Variants in DLG2 observed in about 807,000 individuals in gnomAD.
DLG2 encodes discs large MAGUK scaffold protein 2.
DLG2 carries 45 observed loss-of-function variants against 132.5 expected under a neutral mutation model. That is an observed-to-expected ratio of 0.34 (90% CI 0.27 to 0.44). The LOEUF is 0.44. Among genes scored for constraint, DLG2 ranks in the 20% least tolerant of loss-of-function variants. DLG2 has a pLI of 1.00. For missense variants in DLG2, 1,045 were observed against 1,196.9 expected (o/e 0.87, Z 1.87); for synonymous variants, 424 against 419.6 (o/e 1.01, Z -0.13).
At chr11:83,680,780 T>C (rs1344843836) in intron 18 of DLG2, among the ~76,000 whole-genome samples, 1 of 152,166 alleles carries the variant, frequency 6.6e-6, no homozygotes, top group Non-Finnish European at 1.5e-5. Context: ...AATCAGAAAG[T>C]ATACTAAGAA....
intron 6 of DLG2, among the ~76,000 whole-genome samples, chr11:84,940,833 T>C (rs1232866519): frequency 6.6e-6 from 1 of 152,220 alleles, no homozygotes; most frequent in East Asian, 1.9e-4. Flanking sequence ...TTCCTCAATG[T>C]TTTCTTTCAG....
At chr11:84,899,546 G>A (rs1270714358) in intron 6 of DLG2, among the ~76,000 whole-genome samples, 1 of 151,790 alleles carries the variant, frequency 6.6e-6, no homozygotes, top group Non-Finnish European at 1.5e-5. Flanking sequence ...TCTTCTTCCC[G>A]CCACCTCTGC....
chr11:85,523,019 T>C (rs79870336), intron 3 of DLG2, among the ~76,000 whole-genome samples: 6 of 152,292 alleles, frequency 3.9e-5, no homozygotes, highest in Admixed American at 3.9e-4. Flanking sequence ...CAGAATGATA[T>C]GGTCTGGCTT....
intron 6 of DLG2, among the ~76,000 whole-genome samples, chr11:85,041,252 G>A (rs532068540): frequency 2.6e-4 from 39 of 152,038 alleles, no homozygotes; most frequent in African/African-American, 7.9e-4. Flanking sequence ...AAAAGAGACA[G>A]ACTCCTTTGG....
chr11:85,513,259 A>G (rs1295850482), intron 3 of DLG2, among the ~76,000 whole-genome samples: 3 of 152,042 alleles, frequency 2.0e-5, no homozygotes, highest in Non-Finnish European at 4.4e-5. Context: ...TCAATTAGCA[A>G]TGGGATCATT....
intron 6 of DLG2, among the ~76,000 whole-genome samples, chr11:84,994,268 A>G (rs1214463316): frequency 1.3e-5 from 2 of 152,144 alleles, no homozygotes; most frequent in African/African-American, 4.8e-5. Context: ...TGTAGCCACT[A>G]TTTTAAATTT....
intron 6 of DLG2, among the ~76,000 whole-genome samples, chr11:85,105,114 C>T (rs1432862522): frequency 6.6e-6 from 1 of 151,932 alleles, no homozygotes; most frequent in Non-Finnish European, 1.5e-5. Flanking sequence ...TTAGGGCTTG[C>T]ATCCTCCATT....
Position 84,001,065 on chromosome 11 carries a change from A to T in DLG2, c.920-20423T>A, listed in dbSNP as rs79892912. ...ACAGAACAACCAAAACACAATTAAC[A>T]ATATGACAGGAACAAAACCTCATAT... On this transcript the variant is annotated intron_variant, in intron 11 of 27. Transcript: ENST00000376104. Among the ~76,000 whole-genome samples, 751 of 152,202 alleles carry T rather than the reference A, an allele frequency of 4.9e-3. 3 individuals are homozygous for T. The highest frequency in any genetic ancestry group is 0.018 in the African/African-American group (731 of 41,570).
intron 10 of DLG2, among the ~76,000 whole-genome samples, chr11:84,079,102 T>C (rs902571979): frequency 7.2e-5 from 11 of 152,206 alleles, no homozygotes; most frequent in African/African-American, 2.7e-4. Context: ...GATGATTTAT[T>C]TGAAGGAATA....
chr11:85,567,440 T>C (rs1394061353), intron 3 of DLG2, among the ~76,000 whole-genome samples: 1 of 152,186 alleles, frequency 6.6e-6, no homozygotes, highest in African/African-American at 2.4e-5. Flanking sequence ...CAATTTTGGA[T>C]TGCTCATGAC....
At position 84,563,593 on chromosome 11, in the gene DLG2, C is replaced by T. The variant is rs79519706; in HGVS notation, c.358-28862G>A. Among the ~76,000 whole-genome samples the T allele has an allele frequency of 7.0e-3, 1,071 of 152,292 alleles. 13 individuals are homozygous for T. Among genetic ancestry groups the T allele is most frequent in the African/African-American group, 0.024 (986 of 41,568 alleles). On this transcript the variant is annotated intron_variant, in intron 6 of 27. Coordinates refer to ENST00000376104, the MANE Select transcript of DLG2 (RefSeq NM_001142699.3). ...AATGGCACAGCTGCCAGGTGAGGTT[C>T]AGATGCTGTCTGTGTTTTAGGTTGA...
chr11:84,684,371 ACTTT>A (rs1205638996), intron 6 of DLG2, among the ~76,000 whole-genome samples: 7 of 151,822 alleles, frequency 4.6e-5, no homozygotes, highest in African/African-American at 7.3e-5. Flanking sequence ...CCTTTATACA[ACTTT>A]CTTTTTCTTG....
intron 6 of DLG2, among the ~76,000 whole-genome samples, chr11:84,544,820 T>G (rs903059072): frequency 2.0e-5 from 3 of 152,172 alleles, no homozygotes; most frequent in African/African-American, 7.2e-5. Flanking sequence ...CTCTGCAGAT[T>G]TGTCGTAACA....
intron 6 of DLG2, among the ~76,000 whole-genome samples, chr11:85,031,865 C>A (rs1438122771): frequency 1.3e-5 from 2 of 151,622 alleles, no homozygotes; most frequent in Middle Eastern, 3.2e-3. Flanking sequence ...CTCACTGAAG[C>A]CTCAGCCTCC....
At chr11:83,622,357 A>G (rs1481192346) in intron 19 of DLG2, among the ~76,000 whole-genome samples, 1 of 152,204 alleles carries the variant, frequency 6.6e-6, no homozygotes. Context: ...GTGGGAATTC[A>G]TAGGCATAGA....
At chr11:84,469,325 C>A (rs1483727560) in intron 7 of DLG2, among the ~76,000 whole-genome samples, 1 of 151,444 alleles carries the variant, frequency 6.6e-6, no homozygotes, top group South Asian at 2.1e-4. Flanking sequence ...ACCTAGGGAC[C>A]AAATCAAAGA....
chr11:85,590,433 C>T (rs1036798465), intron 3 of DLG2, among the ~76,000 whole-genome samples: 6 of 151,904 alleles, frequency 3.9e-5, no homozygotes, highest in Non-Finnish European at 7.4e-5. Flanking sequence ...AGTTTTTGAC[C>T]AAGTAATAAA....
At chr11:85,053,096 A>G (rs1016781510) in intron 6 of DLG2, among the ~76,000 whole-genome samples, 6 of 152,166 alleles carry the variant, frequency 3.9e-5, no homozygotes, top group Admixed American at 2.6e-4. Flanking sequence ...TCTGGTTCCA[A>G]TGCAGTGACA....
chr11:85,396,301 A>G (rs1277021583), intron 3 of DLG2, among the ~76,000 whole-genome samples: 1 of 152,220 alleles, frequency 6.6e-6, no homozygotes, highest in Non-Finnish European at 1.5e-5. Flanking sequence ...AAAGGTAGAT[A>G]TAACCACAAA....
Sources: gnomAD v4.1 joint callset for allele counts (sites outside exome capture counted in the v4.1 genomes callset) on GRCh38, gnomAD v4.1.1 for gene constraint, MANE v1.5 for transcripts, NCBI Gene and HGNC (gene_info 2026-07-23, HGNC 2026-07-21) for gene names.